Variants in TENM2 observed in about 807,000 individuals in gnomAD.
TENM2 encodes teneurin transmembrane protein 2.
Under a neutral mutation model 245.2 loss-of-function variants are expected in TENM2, and 52 were observed. The ratio of observed to expected loss-of-function variants is 0.21; its 90% CI spans 0.17 to 0.27. The LOEUF is 0.27. TENM2 is among the 10% of genes least tolerant of loss of function. TENM2 has a pLI of 1.00. For missense variants in TENM2, 3,046 were observed against 3,666.8 expected (o/e 0.83, Z 4.37); for synonymous variants, 1,363 against 1,438.9 (o/e 0.95, Z 1.19).
the TENM2 span, among the ~76,000 whole-genome samples, chr5:167,086,238 T>C: frequency 2.8e-3 from 424 of 152,356 alleles, 2 homozygotes; most frequent in African/African-American, 9.1e-3. Context: ...TTTGCTTATG[T>C]TCTCCCTCTC....
At chr5:167,988,629 A>G (rs1259125629) in intron 4 of TENM2, among the ~76,000 whole-genome samples, 1 of 152,198 alleles carries the variant, frequency 6.6e-6, no homozygotes, top group Non-Finnish European at 1.5e-5. Context: ...GGCAATAGCA[A>G]AAGGATAATA....
intron 7 of TENM2, among the ~76,000 whole-genome samples, chr5:168,080,397 A>AT (rs1188961956): frequency 2.0e-5 from 3 of 152,038 alleles, no homozygotes; most frequent in South Asian, 2.1e-4. Flanking sequence ...GGATTCACTG[A>AT]TTTTTTGAAG....
chr5:167,313,672 C>T (rs1756179579), intron 1 of TENM2, among the ~76,000 whole-genome samples: 3 of 152,130 alleles, frequency 2.0e-5, no homozygotes, highest in Admixed American at 2.0e-4. Flanking sequence ...CATTTCCTCC[C>T]CTAAAATGAG....
intron 2 of TENM2, among the ~76,000 whole-genome samples, chr5:167,766,534 T>C (rs929861121): frequency 6.6e-6 from 1 of 152,168 alleles, no homozygotes; most frequent in Non-Finnish European, 1.5e-5. Context: ...ATGGCTATTA[T>C]CAAAAGAATT....
intron 2 of TENM2, among the ~76,000 whole-genome samples, chr5:167,672,450 G>A (rs1756019084): frequency 6.6e-6 from 1 of 151,920 alleles, no homozygotes; most frequent in South Asian, 2.1e-4. Flanking sequence ...ACATAAAACT[G>A]AGATCCATGC....
chr5:167,016,213 CA>C, the TENM2 span, among the ~76,000 whole-genome samples: 1 of 146,924 alleles, frequency 6.8e-6, no homozygotes, highest in Non-Finnish European at 1.5e-5. Flanking sequence ...GAGATGGGGC[CA>C]CTACATTCCA....
chr5:167,065,980 A>G, the TENM2 span, among the ~76,000 whole-genome samples: 1 of 152,138 alleles, frequency 6.6e-6, no homozygotes, highest in Non-Finnish European at 1.5e-5. Flanking sequence ...TTCATCAAGG[A>G]TGACTGAGTG....
intron 1 of TENM2, among the ~76,000 whole-genome samples, chr5:167,342,101 A>G (rs140125428): frequency 1.3e-5 from 2 of 152,332 alleles, no homozygotes; most frequent in East Asian, 3.9e-4. Flanking sequence ...CGATTAATAA[A>G]TCAATAGTAA....
intron 2 of TENM2, among the ~76,000 whole-genome samples, chr5:167,503,103 G>A (rs1169821306): frequency 2.6e-5 from 4 of 152,018 alleles, no homozygotes; most frequent in Middle Eastern, 3.4e-3. Context: ...CTGGGATTAC[G>A]GGCATGAGCC....
chr5:167,675,896 T>C (rs1332533090), intron 2 of TENM2, among the ~76,000 whole-genome samples: 2 of 152,082 alleles, frequency 1.3e-5, no homozygotes, highest in Non-Finnish European at 2.9e-5. Flanking sequence ...CATTTTCCCA[T>C]GTTATCCCAG....
chr5:168,078,231 G>T (rs1285663675), intron 7 of TENM2, among the ~76,000 whole-genome samples: 3 of 152,242 alleles, frequency 2.0e-5, no homozygotes, highest in South Asian at 4.1e-4. Flanking sequence ...GTCTTCTTTT[G>T]AGAAGTGTCT....
At chr5:167,595,053 T>C (rs969350912) in intron 2 of TENM2, among the ~76,000 whole-genome samples, 10 of 152,334 alleles carry the variant, frequency 6.6e-5, no homozygotes, top group Non-Finnish European at 1.5e-4. Context: ...CAAGCAGCCC[T>C]TTCTGGGTTC....
chr5:167,298,246 T>C (rs1256932773), intron 1 of TENM2, among the ~76,000 whole-genome samples: 2 of 152,078 alleles, frequency 1.3e-5, no homozygotes, highest in Non-Finnish European at 2.9e-5. Flanking sequence ...GTGGGGTTGT[T>C]AGAAGAAACA....
At chr5:167,396,495 T>A (rs1173896375) in intron 2 of TENM2, among the ~76,000 whole-genome samples, 1 of 152,112 alleles carries the variant, frequency 6.6e-6, no homozygotes, top group Non-Finnish European at 1.5e-5. Context: ...AATAGGGGTG[T>A]CAGTGAATGA....
At chr5:167,928,485 T>A (rs922789567) in intron 3 of TENM2, among the ~76,000 whole-genome samples, 1 of 152,214 alleles carries the variant, frequency 6.6e-6, no homozygotes, top group Admixed American at 6.5e-5. Flanking sequence ...GCTTTGGTCT[T>A]CTCAAAATTG....
At chr5:167,875,587 G>A (rs901186576) in intron 2 of TENM2, among the ~76,000 whole-genome samples, 3 of 152,148 alleles carry the variant, frequency 2.0e-5, no homozygotes, top group South Asian at 2.1e-4. Context: ...TGCTGTGGAG[G>A]TAGGACTGGG....
chr5:167,016,290 A>C, the TENM2 span, among the ~76,000 whole-genome samples: 9 of 151,420 alleles, frequency 5.9e-5, no homozygotes, highest in East Asian at 1.9e-4. Context: ...ACAAAAAAAA[A>C]AAAAAAAAAG....
intron 2 of TENM2, among the ~76,000 whole-genome samples, chr5:167,838,020 G>T (rs944072515): frequency 6.6e-6 from 1 of 152,162 alleles, no homozygotes; most frequent in Non-Finnish European, 1.5e-5. Flanking sequence ...TTAGTATTGA[G>T]GCAAATGGGA....
At chr5:167,870,699 G>A (rs1772751897) in intron 2 of TENM2, among the ~76,000 whole-genome samples, 1 of 140,522 alleles carries the variant, frequency 7.1e-6, no homozygotes. Flanking sequence ...TTGAAATAAA[G>A]CAAGATCTAT....
Sources: allele counts gnomAD v4.1 joint callset (sites outside exome capture counted in the v4.1 genomes callset), GRCh38; gene constraint gnomAD v4.1.1; transcripts MANE v1.5; gene names NCBI Gene and HGNC (gene_info 2026-07-23, HGNC 2026-07-21).